The following NR3C2 variants were observed in gnomAD, a reference collection of about 807,000 sequenced individuals.
The protein encoded by NR3C2 is nuclear receptor subfamily 3 group C member 2.
Under a neutral mutation model 86.4 loss-of-function variants are expected in NR3C2, and 15 were observed. That is an observed-to-expected ratio of 0.17 (90% CI 0.12 to 0.27). NR3C2 has a LOEUF of 0.27. Ranked by LOEUF, NR3C2 falls within the 10% of genes least tolerant of loss-of-function variation. The pLI, the probability that NR3C2 is intolerant of heterozygous loss-of-function variation, is 1.00. For synonymous variants in NR3C2, 458 were observed against 450.5 expected, an observed-to-expected ratio of 1.02 and a Z score of -0.21; for missense variants, 960 against 1,195.6, an observed-to-expected ratio of 0.80 and a Z score of 2.91.
At chr4:148,433,707 T>G (rs983129155) in intron 2 of NR3C2, among the ~76,000 whole-genome samples, 3 of 152,174 alleles carry the variant, frequency 2.0e-5, no homozygotes, top group African/African-American at 7.2e-5. Flanking sequence ...TACCAGGCTA[T>G]ACTACCTCAT....
intron 6 of NR3C2, among the ~76,000 whole-genome samples, chr4:148,139,766 C>T (rs1733525044): frequency 6.6e-6 from 1 of 152,178 alleles, no homozygotes; most frequent in Admixed American, 6.5e-5. Flanking sequence ...CCTTCATCCT[C>T]CACTTGTTTT....
At chr4:148,234,905 AT>A (rs1290105642) in intron 3 of NR3C2, among the ~76,000 whole-genome samples, 4 of 152,094 alleles carry the variant, frequency 2.6e-5, no homozygotes, top group African/African-American at 9.7e-5. Flanking sequence ...TGTACAGATT[AT>A]TTTGGGTGAT....
intron 3 of NR3C2, 71 bp from the exon 4 acceptor site, chr4:148,194,933 G>A: frequency 9.1e-7 from 1 of 1,094,778 alleles, no homozygotes; most frequent in Non-Finnish European, 1.4e-6. Context: ...TGTATACTCA[G>A]AATATAAAAC....
At chr4:148,300,719 T>A (rs769485648) in intron 2 of NR3C2, among the ~76,000 whole-genome samples, 5 of 151,806 alleles carry the variant, frequency 3.3e-5, no homozygotes, top group Non-Finnish European at 7.4e-5. Context: ...ATTACAGGCA[T>A]GTGCCACCAT....
rs150309105 is a variant in NR3C2 at position 148,227,957 on chromosome 4, A to T, written c.1897+32021T>A. Among the ~76,000 whole-genome samples the T allele has an allele frequency of 3.8e-3, 580 of 152,272 alleles. 4 individuals carry two copies. The highest frequency in any genetic ancestry group is 0.013 in the African/African-American group (540 of 41,546). On this transcript the variant is annotated intron_variant, in intron 3 of 8. Coordinates refer to ENST00000358102, the MANE Select transcript of NR3C2 (RefSeq NM_000901.5). ...AAGATCCTGACTCTTTTTGGTGGTG[A>T]ATGGTATTAAGAAGTCAAGATCTGG...
intron 3 of NR3C2, among the ~76,000 whole-genome samples, chr4:148,241,800 T>C (rs1739063200): frequency 6.6e-6 from 1 of 152,212 alleles, no homozygotes; most frequent in African/African-American, 2.4e-5. Flanking sequence ...CAACAAATAT[T>C]TCATGATTAT....
rs373290562 is a variant in NR3C2 at position 148,242,424 on chromosome 4, A to G, written c.1897+17554T>C. ...TTAATCTAGAATCCTATTAAATGCA[A>G]TAAATGTAGGAATATGCATACATAT... On this transcript the variant is annotated intron_variant, in intron 3 of 8. Transcript: ENST00000358102. 2.1e-3 allele frequency among the ~76,000 whole-genome samples: 317 copies of G among 152,326 alleles called. 3 individuals are homozygous for G. Among genetic ancestry groups the G allele is most frequent in the African/African-American group, 6.8e-3 (281 of 41,570 alleles).
chr4:148,412,984 G>A (rs1281468334), intron 2 of NR3C2, among the ~76,000 whole-genome samples: 4 of 152,194 alleles, frequency 2.6e-5, no homozygotes, highest in Admixed American at 1.3e-4. Flanking sequence ...TTCAAAAGAA[G>A]TTTAAGACAG....
intron 2 of NR3C2, among the ~76,000 whole-genome samples, chr4:148,316,802 G>GT (rs1192094309): frequency 1.3e-5 from 2 of 151,910 alleles, no homozygotes; most frequent in African/African-American, 4.8e-5. Context: ...TGTTGTTGTT[G>GT]TTTTTTGTTT....
intron 8 of NR3C2, among the ~76,000 whole-genome samples, chr4:148,095,834 T>A (rs1329604742): frequency 1.3e-5 from 2 of 152,186 alleles, no homozygotes; most frequent in Admixed American, 6.5e-5. Flanking sequence ...CAGTGTCTCA[T>A]GAGAAATCAA....
intron 3 of NR3C2, among the ~76,000 whole-genome samples, chr4:148,259,501 C>T (rs920692746): frequency 3.3e-5 from 5 of 152,158 alleles, no homozygotes; most frequent in Non-Finnish European, 7.3e-5. Context: ...ACACAGGGAC[C>T]TGGAGCTTGA....
intron 2 of NR3C2, among the ~76,000 whole-genome samples, chr4:148,411,475 T>C (rs994667325): frequency 2.0e-5 from 3 of 152,210 alleles, no homozygotes; most frequent in African/African-American, 7.2e-5. Flanking sequence ...CAAGCACTAA[T>C]TAAATTTTGC....
intron 8 of NR3C2, among the ~76,000 whole-genome samples, chr4:148,108,755 C>G (rs1467069107): frequency 2.6e-5 from 4 of 152,208 alleles, no homozygotes; most frequent in African/African-American, 9.7e-5. Context: ...AAGCCAAGGC[C>G]TGCTCAGCTC....
chr4:148,411,250 T>G (rs970609468), intron 2 of NR3C2, among the ~76,000 whole-genome samples: 4 of 152,094 alleles, frequency 2.6e-5, no homozygotes, highest in African/African-American at 7.2e-5. Flanking sequence ...TAACCACATT[T>G]TGTTGTTGCT....
intron 2 of NR3C2, among the ~76,000 whole-genome samples, chr4:148,380,314 A>AT (rs1746905697): frequency 6.6e-6 from 1 of 152,202 alleles, no homozygotes; most frequent in East Asian, 1.9e-4. Context: ...TTATGGTTCA[A>AT]TAATTTCCAC....
chr4:148,273,212 C>T (rs1011327478), intron 2 of NR3C2, among the ~76,000 whole-genome samples: 2 of 152,122 alleles, frequency 1.3e-5, no homozygotes, highest in Non-Finnish European at 2.9e-5. Flanking sequence ...CTAAATGTTT[C>T]GACTAGATTT....
chr4:148,405,129 T>C (rs112676151), intron 2 of NR3C2, among the ~76,000 whole-genome samples: 45 of 152,198 alleles, frequency 3.0e-4, no homozygotes, highest in African/African-American at 9.6e-4. Flanking sequence ...TTATTTTTCT[T>C]AAAGAAGAGC....
At chr4:148,121,079 C>T (rs1284315530) in intron 6 of NR3C2, among the ~76,000 whole-genome samples, 1 of 152,142 alleles carries the variant, frequency 6.6e-6, no homozygotes, top group Non-Finnish European at 1.5e-5. Flanking sequence ...TTTTGTAAGG[C>T]CCTGGATAAC....
At chr4:148,128,974 T>C (rs543637437) in intron 6 of NR3C2, among the ~76,000 whole-genome samples, 5 of 152,368 alleles carry the variant, frequency 3.3e-5, no homozygotes, top group Non-Finnish European at 7.3e-5. Context: ...ATGTGATACA[T>C]GGACCTTGAA....
Sources: allele counts gnomAD v4.1 joint callset (sites outside exome capture counted in the v4.1 genomes callset), GRCh38; gene constraint gnomAD v4.1.1; transcripts MANE v1.5; gene names NCBI Gene and HGNC (gene_info 2026-07-23, HGNC 2026-07-21).